The following ADH1C variants were observed in gnomAD, a reference collection of about 807,000 sequenced individuals.
ADH1C encodes alcohol dehydrogenase 1C (class I), gamma polypeptide.
A neutral mutation model predicts 35.0 loss-of-function variants in ADH1C; 26 were observed. That is an observed-to-expected ratio of 0.74 (90% CI 0.54 to 1.03). The LOEUF (loss-of-function observed/expected upper bound fraction) is 1.03. Ranked by LOEUF, ADH1C falls within the 50% of genes least tolerant of loss-of-function variation. The pLI, the probability that ADH1C is intolerant of heterozygous loss-of-function variation, is 0.00. For missense variants in ADH1C, 413 were observed against 465.4 expected (o/e 0.89, Z 1.04); for synonymous variants, 170 against 169.3 (o/e 1.00, Z -0.03).
At chr4:99,341,190 A>G (rs1347690671) in intron 6 of ADH1C, among the ~76,000 whole-genome samples, 2 of 152,202 alleles carry the variant, frequency 1.3e-5, no homozygotes, top group Admixed American at 6.5e-5. Context: ...ACAGATTCCT[A>G]TGTCCATTTC....
chr4:99,349,810 T>C (rs1734634182), intron 1 of ADH1C, among the ~76,000 whole-genome samples: 1 of 150,510 alleles, frequency 6.6e-6, no homozygotes, highest in Non-Finnish European at 1.5e-5. Flanking sequence ...TGTTTCTGTG[T>C]GTGTGTGTGT....
chr4:99,340,544 G>A (rs1462714702), intron 7 of ADH1C, 31 bp downstream of exon 7: 17 of 1,611,748 alleles, frequency 1.1e-5, no homozygotes, highest in Non-Finnish European at 1.4e-5. Flanking sequence ...TTAGGTTAAT[G>A]AGAATTTGGC....
At position 99,336,908 on chromosome 4, in the gene ADH1C, T is replaced by C. The variant is rs561616764; in HGVS notation, c.1104-132A>G. On this transcript the variant is annotated intron_variant, in intron 8 of 8. Transcript: ENST00000515683. ...TTCTCAGCCACTCCCTTCCCATCCC[T>C]ATGCATTTGGGTCAAGTCAAGTGAA... The C allele has an allele frequency of 2.3e-5, 29 of 1,272,894 alleles. No individual in the cohort carries two copies. The African/African-American group carries it at 3.9e-4, about 17-fold the overall frequency. The allele number at this position is 1,272,894 out of a possible 1,614,324, so 78.8% of individuals were successfully genotyped here.
rs76534689 is a variant in ADH1C, at chr4:99,342,886, T to C, written c.737A>G (p.Asp246Gly). 6.2e-7 allele frequency: 1 copy of C among 1,614,028 alleles called. No homozygotes were observed. Among genetic ancestry groups the C allele is most frequent in the African/African-American group, 1.3e-5 (1 of 75,018 alleles). ...CACTTCCTGAATGGGTTTCTTGTAG[T>C]CTTGAGGGTTGATGCATTCAGTGGC... Reference protein sequence around the residue: ...LGATECINPQDYKKPIQEVLK... With the variant: ...LGATECINPQGYKKPIQEVLK... Residue 246 changes from aspartate (D) to glycine (G), a missense_variant, in exon 6 of 9, where the codon GAC becomes GGC. Asp to Gly is a moderately conservative substitution (Grantham distance 94). Coordinates refer to ENST00000515683, the MANE Select transcript of ADH1C (RefSeq NM_000669.5).
intron 1 of ADH1C, chr4:99,350,983 C>T (rs1734663013): frequency 6.6e-6 from 1 of 152,080 alleles, no homozygotes; most frequent in Non-Finnish European, 1.5e-5. Flanking sequence ...ACTAAAAATG[C>T]TAAAATTAGC....
chr4:99,344,782 G>T, intron 5 of ADH1C, 80 bp downstream of exon 5: 1 of 1,557,204 alleles, frequency 6.4e-7, no homozygotes. Flanking sequence ...AATAATTTCT[G>T]ATTCTTGCAA....
chr4:99,345,408 G>A (rs113872839), intron 3 of ADH1C, 142 bp from the exon 4 acceptor site: 1 of 906,614 alleles, frequency 1.1e-6, no homozygotes, highest in African/African-American at 1.7e-5. Context: ...TATGTCATTT[G>A]TCATTGCCTG....
intron 1 of ADH1C, among the ~76,000 whole-genome samples, chr4:99,350,104 C>T (rs1560539959): frequency 1.3e-5 from 2 of 152,112 alleles, no homozygotes; most frequent in Non-Finnish European, 2.9e-5. Flanking sequence ...TCAAATCCTT[C>T]AACTTTGCAG....
chr4:99,347,883 C>T, intron 1 of ADH1C, 37 bp from the exon 2 acceptor site: 1 of 1,609,608 alleles, frequency 6.2e-7, no homozygotes, highest in South Asian at 1.1e-5. Context: ...CCAGTGTTTT[C>T]CCACGCTTGC....
intron 1 of ADH1C, among the ~76,000 whole-genome samples, chr4:99,348,325 G>A (rs1734590959): frequency 7.1e-6 from 1 of 140,012 alleles, no homozygotes; most frequent in Non-Finnish European, 1.5e-5. Flanking sequence ...CCCTTCCTGT[G>A]TCCATGTGAT....
chr4:99,345,015 G>A lies in ADH1C; in HGVS notation c.414C>T (p.Ile138=), dbSNP rs750574929. 8.7e-6 allele frequency: 14 copies of A among 1,614,198 alleles called. No individual in the cohort carries two copies. Among genetic ancestry groups the A allele is most frequent in the South Asian group, 3.3e-5 (3 of 91,072 alleles). Reference sequence around the variant, plus strand: ...AGGTGCTGACGCCGACGAAGTGGTGGATGGGCTTCCCGCTGCAGGTGAACC... The same window carrying A: ...AGGTGCTGACGCCGACGAAGTGGTGAATGGGCTTCCCGCTGCAGGTGAACC... ...TRRFTCSGKP[I]HHFVGVSTFS... The change falls in exon 5 of 9, where the codon ATC becomes ATT. Residue 138 remains isoleucine (I), a synonymous_variant. Coordinates refer to ENST00000515683, the MANE Select transcript of ADH1C (RefSeq NM_000669.5).
At chr4:99,350,356 G>A (rs1165134462) in intron 1 of ADH1C, among the ~76,000 whole-genome samples, 2 of 152,086 alleles carry the variant, frequency 1.3e-5, no homozygotes, top group Non-Finnish European at 2.9e-5. Flanking sequence ...TTTGAGATTT[G>A]CTGCATGTGT....
chr4:99,352,686 T>C lies in ADH1C; in HGVS notation c.-11A>G. ...TCCTGCTGTGCTCATATTGATTCTGTCTTCTCTGCAGACCAGGAGGCTGGT... is the reference window on the plus strand; with the variant it reads ...TCCTGCTGTGCTCATATTGATTCTGCCTTCTCTGCAGACCAGGAGGCTGGT... On this transcript the variant is annotated 5_prime_UTR_variant, in exon 1 of 9. Transcript: ENST00000515683. The C allele has an allele frequency of 3.1e-6, 5 of 1,613,130 alleles. No homozygotes were observed. The highest frequency in any genetic ancestry group is 4.2e-6 in the Non-Finnish European group (5 of 1,179,256).
intron 1 of ADH1C, among the ~76,000 whole-genome samples, chr4:99,350,750 T>C (rs1734657130): frequency 6.6e-6 from 1 of 152,250 alleles, no homozygotes; most frequent in South Asian, 2.1e-4. Flanking sequence ...ACAGTACTAT[T>C]GAATTATTGG....
chr4:99,349,805 CTGTGTGTG>C (rs70956001), intron 1 of ADH1C, among the ~76,000 whole-genome samples: 1 of 84,382 alleles, frequency 1.2e-5, no homozygotes, highest in Non-Finnish European at 3.2e-5. Flanking sequence ...ATGTGTGTTT[CTGTGTGTG>C]TGTGTGTGTG....
chr4:99,348,635 T>C (rs1480855801), intron 1 of ADH1C, among the ~76,000 whole-genome samples: 2 of 151,088 alleles, frequency 1.3e-5, no homozygotes, highest in Non-Finnish European at 3.0e-5. Context: ...CCTTTGGGTA[T>C]ATACCCAGTA....
rs1313443760 is a variant in ADH1C, at chr4:99,338,392, T to TA, written c.1103+1184_1103+1185insT. ...ATAATTAACCTTTGATGAATACTGT[T>TA]TTCTATATATATATATATATATATA... is the stretch of plus-strand genomic sequence containing the variant. On this transcript the variant is annotated intron_variant, in intron 8 of 8. Transcript: ENST00000515683. 6.1e-3 allele frequency among the ~76,000 whole-genome samples: 227 copies of TA among 37,112 alleles called. 53 individuals carry two copies. In the East Asian group the frequency reaches 0.37, roughly 60 times the overall value. The allele number at this position is 37,112 out of a possible 152,430, so 24.3% of individuals were successfully genotyped here.
Position 99,340,637 on chromosome 4 carries a change from T to C in ADH1C, c.902A>G (p.Asn301Ser). Residue 301 changes from asparagine (N) to serine (S), a missense_variant, in exon 7 of 9, where the codon AAC becomes AGC. Coordinates refer to ENST00000515683, the MANE Select transcript of ADH1C (RefSeq NM_000669.5). ...VIVGVPPDSQ[N>S]LSINPMLLLT... ...TAGCAGCATAGGGTTTATTGAGAGGTTCTGGGAATCAGGAGGTACCCCTAC... is the reference window on the plus strand; with the variant it reads ...TAGCAGCATAGGGTTTATTGAGAGGCTCTGGGAATCAGGAGGTACCCCTAC... 6.2e-7 allele frequency: 1 copy of C among 1,613,786 alleles called. No homozygotes were observed. Among genetic ancestry groups the C allele is most frequent in the Non-Finnish European group, 8.5e-7 (1 of 1,180,010 alleles).
At chr4:99,348,867 C>T (rs1444498695) in intron 1 of ADH1C, among the ~76,000 whole-genome samples, 5 of 152,284 alleles carry the variant, frequency 3.3e-5, no homozygotes, top group Non-Finnish European at 5.9e-5. Context: ...TTGCATTTCT[C>T]TGATGGCCAG....
Sources: gnomAD v4.1 joint callset for allele counts (sites outside exome capture counted in the v4.1 genomes callset) on GRCh38, gnomAD v4.1.1 for gene constraint, MANE v1.5 for transcripts, NCBI Gene and HGNC (gene_info 2026-07-23, HGNC 2026-07-21) for gene names.